WWOX: variants seen among roughly 807,000 people sequenced by gnomAD.
The protein encoded by WWOX is WW domain-containing oxidoreductase.
A neutral mutation model predicts 46.2 loss-of-function variants in WWOX; 69 were observed. The ratio of observed to expected loss-of-function variants is 1.49; its 90% CI spans 1.23 to 1.82. WWOX has a LOEUF of 1.82. WWOX is among the 40% of genes most tolerant of loss of function. WWOX has a pLI of 0.00. For missense variants in WWOX, 919 were observed against 542.6 expected, an observed-to-expected ratio of 1.69 and a Z score of -6.89; for synonymous variants, 359 against 202.6, an observed-to-expected ratio of 1.77 and a Z score of -6.56.
At chr16:79,095,781 G>A (rs1197494955) in intron 8 of WWOX, among the ~76,000 whole-genome samples, 1 of 151,106 alleles carries the variant, frequency 6.6e-6, no homozygotes, top group East Asian at 2.0e-4. Context: ...ACAGACCTCA[G>A]AAAGCCGACT....
intron 8 of WWOX, among the ~76,000 whole-genome samples, chr16:79,010,212 C>G (rs1299658902): frequency 6.6e-6 from 1 of 152,178 alleles, no homozygotes; most frequent in Non-Finnish European, 1.5e-5. Flanking sequence ...TTCACAAATG[C>G]TTACCGAGCA....
At chr16:79,153,962 G>T (rs868130015) in intron 8 of WWOX, among the ~76,000 whole-genome samples, 3 of 152,114 alleles carry the variant, frequency 2.0e-5, no homozygotes, top group Non-Finnish European at 4.4e-5. Flanking sequence ...CCTGCCTCCC[G>T]TGATGCTAGC....
chr16:78,438,082 A>T (rs1243952004), intron 8 of WWOX, among the ~76,000 whole-genome samples: 1 of 152,166 alleles, frequency 6.6e-6, no homozygotes, highest in Admixed American at 6.5e-5. Context: ...ATGTGTGATG[A>T]CTTTAGAATC....
chr16:79,117,547 G>A (rs1411128203), intron 8 of WWOX, among the ~76,000 whole-genome samples: 3 of 152,220 alleles, frequency 2.0e-5, no homozygotes, highest in Non-Finnish European at 4.4e-5. Context: ...GAGTCAGCCT[G>A]TGCTTCGCAG....
chr16:78,507,877 G>A (rs1392199803), intron 8 of WWOX, among the ~76,000 whole-genome samples: 1 of 152,098 alleles, frequency 6.6e-6, no homozygotes, highest in Non-Finnish European at 1.5e-5. Flanking sequence ...GTCGCATGTG[G>A]CCCAGGACAG....
At position 78,580,801 on chromosome 16, in the gene WWOX, G is replaced by C. The variant is rs139514018; in HGVS notation, c.1056+148049G>C. On this transcript the variant is annotated intron_variant, in intron 8 of 8. Coordinates refer to ENST00000566780, the MANE Select transcript of WWOX (RefSeq NM_016373.4). ...TTCTTCATTTAATAATGCCATGTAT[G>C]ATGGCCTTCATTAGAATGAATTCTT... Among the ~76,000 whole-genome samples, 574 of 152,312 alleles carry C rather than the reference G, an allele frequency of 3.8e-3. 3 individuals are homozygous for C. The highest frequency in any genetic ancestry group is 6.5e-3 in the Non-Finnish European group (439 of 68,026).
At chr16:78,997,884 CT>C (rs879945553) in intron 8 of WWOX, among the ~76,000 whole-genome samples, 7 of 148,852 alleles carry the variant, frequency 4.7e-5, no homozygotes, top group Non-Finnish European at 3.0e-5. Context: ...AACATTCTTT[CT>C]TTTTTTTTTA....
At chr16:78,673,738 G>C (rs371601229) in intron 8 of WWOX, among the ~76,000 whole-genome samples, 6 of 152,300 alleles carry the variant, frequency 3.9e-5, no homozygotes, top group African/African-American at 1.4e-4. Context: ...AGTTATTACT[G>C]TTCTCCACTT....
intron 8 of WWOX, among the ~76,000 whole-genome samples, chr16:78,881,549 C>G (rs537379368): frequency 1.3e-5 from 2 of 152,312 alleles, no homozygotes; most frequent in South Asian, 4.2e-4. Flanking sequence ...CTGGAATAGT[C>G]TCTAACCTCA....
chr16:78,656,426 C>T (rs2047082552), intron 8 of WWOX, among the ~76,000 whole-genome samples: 1 of 152,158 alleles, frequency 6.6e-6, no homozygotes, highest in South Asian at 2.1e-4. Context: ...TTCCGCAGGC[C>T]ATACAGGAAG....
chr16:79,180,809 A>G (rs1024483812), intron 8 of WWOX, among the ~76,000 whole-genome samples: 2 of 152,254 alleles, frequency 1.3e-5, no homozygotes, highest in East Asian at 3.9e-4. Context: ...TAGAAACCTA[A>G]TATAGATATA....
chr16:79,128,716 T>G (rs1436601921), intron 8 of WWOX, among the ~76,000 whole-genome samples: 3 of 152,212 alleles, frequency 2.0e-5, no homozygotes, highest in South Asian at 4.1e-4. Context: ...GGGGTGAATT[T>G]GCCAAGGTTT....
chr16:79,084,937 A>C (rs2048826735), intron 8 of WWOX, among the ~76,000 whole-genome samples: 1 of 152,020 alleles, frequency 6.6e-6, no homozygotes, highest in Non-Finnish European at 1.5e-5. Context: ...ATAATTTTGC[A>C]ATCAAAATAC....
At chr16:78,656,531 G>A (rs1185222685) in intron 8 of WWOX, among the ~76,000 whole-genome samples, 3 of 152,180 alleles carry the variant, frequency 2.0e-5, no homozygotes, top group Admixed American at 1.3e-4. Context: ...GGCAAGGAGC[G>A]AAGGAGGAGG....
intron 5 of WWOX, among the ~76,000 whole-genome samples, chr16:78,374,779 T>C (rs2081778678): frequency 6.6e-6 from 1 of 152,054 alleles, no homozygotes; most frequent in Non-Finnish European, 1.5e-5. Context: ...CTTGATCTCC[T>C]GACCTTGTGG....
At chr16:78,309,889 A>G (rs779472491) in intron 5 of WWOX, among the ~76,000 whole-genome samples, 2 of 152,104 alleles carry the variant, frequency 1.3e-5, no homozygotes, top group Admixed American at 1.3e-4. Flanking sequence ...GTGTTCTCCT[A>G]TGTAAATAGG....
At chr16:78,634,482 C>T (rs889546429) in intron 8 of WWOX, among the ~76,000 whole-genome samples, 12 of 151,914 alleles carry the variant, frequency 7.9e-5, no homozygotes, top group Non-Finnish European at 1.5e-4. Flanking sequence ...GCGAGGCGGG[C>T]AGATCACAAG....
chr16:78,583,935 T>G (rs1285974030), intron 8 of WWOX, among the ~76,000 whole-genome samples: 3 of 152,200 alleles, frequency 2.0e-5, no homozygotes, highest in Non-Finnish European at 2.9e-5. Context: ...TATGTGACAT[T>G]GCTGAAGGTC....
At chr16:78,636,095 T>A (rs2046561599) in intron 8 of WWOX, among the ~76,000 whole-genome samples, 1 of 152,210 alleles carries the variant, frequency 6.6e-6, no homozygotes, top group African/African-American at 2.4e-5. Context: ...TAGTAGTGAT[T>A]AAAATGCCTT....
Sources: allele counts gnomAD v4.1 joint callset (sites outside exome capture counted in the v4.1 genomes callset), GRCh38; gene constraint gnomAD v4.1.1; transcripts MANE v1.5; gene names NCBI Gene and HGNC (gene_info 2026-07-23, HGNC 2026-07-21).